The following DNAJC25 variants were observed in gnomAD, a reference collection of about 807,000 sequenced individuals.
DNAJC25 encodes dnaJ homolog subfamily C member 25.
Under a neutral mutation model 42.1 loss-of-function variants are expected in DNAJC25, and 26 were observed. That is an observed-to-expected ratio of 0.62 (90% CI 0.45 to 0.86). DNAJC25 has a LOEUF of 0.86. DNAJC25 is among the 40% of genes least tolerant of loss of function. The pLI is 0.00. For synonymous variants in DNAJC25, 189 were observed against 179.9 expected (o/e 1.05, Z -0.40); for missense variants, 404 against 459.4 (o/e 0.88, Z 1.10).
chr9:111,652,358 A>C (rs1156675630), intron 3 of DNAJC25, among the ~76,000 whole-genome samples: 1 of 150,976 alleles, frequency 6.6e-6, no homozygotes, highest in African/African-American at 2.4e-5. Flanking sequence ...AAAAAAAAAA[A>C]TACAAAAAAA....
chr9:111,631,730 A>G lies in DNAJC25; in HGVS notation c.323A>G (p.Tyr108Cys). Residue 108 changes from tyrosine to cysteine, a missense_variant, in exon 1 of 4, where the codon TAC becomes TGC. Tyr to Cys is a radical substitution (Grantham distance 194). Coordinates refer to ENST00000313525, the MANE Select transcript of DNAJC25 (RefSeq NM_001015882.3). ...GCTTTCCTGCTGGTGGCAACCGCCT[A>G]CGAGACACTCAAGGTGAGGCCTGCG... ...EEAFLLVATA[Y>C]ETLKDEETRK... 1 of 1,519,364 alleles carries G rather than the reference A, an allele frequency of 6.6e-7. No individual in the cohort carries two copies. The highest frequency in any genetic ancestry group is 8.8e-7 in the Non-Finnish European group (1 of 1,139,520). The allele number at this position is 1,519,364 out of a possible 1,614,324, so 94.1% of individuals were successfully genotyped here.
chr9:111,648,532 A>G (rs1176931619), intron 2 of DNAJC25, among the ~76,000 whole-genome samples: 1 of 152,144 alleles, frequency 6.6e-6, no homozygotes, highest in African/African-American at 2.4e-5. Context: ...AGCCTCTCAA[A>G]GTGCTGGGAT....
chr9:111,634,328 C>T (rs980319581), intron 1 of DNAJC25, among the ~76,000 whole-genome samples: 19 of 152,262 alleles, frequency 1.2e-4, no homozygotes, highest in Admixed American at 5.2e-4. Context: ...TCTGTCATAA[C>T]GGAGAATTGT....
chr9:111,649,377 G>C, intron 2 of DNAJC25, 76 bp from the exon 3 acceptor site: 1 of 1,440,386 alleles, frequency 6.9e-7, no homozygotes, highest in Non-Finnish European at 9.1e-7. Flanking sequence ...GGTATTCACC[G>C]AGACTCTATC....
intron 3 of DNAJC25, among the ~76,000 whole-genome samples, chr9:111,652,782 G>C (rs1830682925): frequency 1.3e-5 from 2 of 151,874 alleles, no homozygotes; most frequent in Admixed American, 1.3e-4. Flanking sequence ...CCTGACCTCA[G>C]GTGATCCACC....
chr9:111,648,523 G>C (rs1045984933), intron 2 of DNAJC25, among the ~76,000 whole-genome samples: 1 of 151,930 alleles, frequency 6.6e-6, no homozygotes, highest in African/African-American at 2.4e-5. Context: ...ACTCACCGCA[G>C]CCTCTCAAAG....
At chr9:111,637,364 C>T (rs185023234) in intron 1 of DNAJC25, among the ~76,000 whole-genome samples, 3 of 152,196 alleles carry the variant, frequency 2.0e-5, no homozygotes, top group Non-Finnish European at 2.9e-5. Context: ...CACAATCTTA[C>T]GTTTGTTTTA....
At chr9:111,650,973 A>T (rs1830649891) in intron 3 of DNAJC25, among the ~76,000 whole-genome samples, 1 of 152,142 alleles carries the variant, frequency 6.6e-6, no homozygotes, top group African/African-American at 2.4e-5. Context: ...TGTTCATAAA[A>T]GTGTTATTTA....
At chr9:111,632,725 T>C (rs1337890143) in intron 1 of DNAJC25, among the ~76,000 whole-genome samples, 1 of 151,918 alleles carries the variant, frequency 6.6e-6, no homozygotes, top group Non-Finnish European at 1.5e-5. Context: ...TTTTCTATGT[T>C]GCCAGGTAGC....
intron 1 of DNAJC25, among the ~76,000 whole-genome samples, chr9:111,640,089 G>T (rs1830427926): frequency 6.6e-6 from 1 of 151,770 alleles, no homozygotes; most frequent in African/African-American, 2.4e-5. Context: ...GGCACGCGCC[G>T]CCACGCCTGA....
At chr9:111,650,321 A>T (rs1005020713) in intron 3 of DNAJC25, among the ~76,000 whole-genome samples, 1 of 150,856 alleles carries the variant, frequency 6.6e-6, no homozygotes, top group Non-Finnish European at 1.5e-5. Context: ...AAAACAACAG[A>T]GTAAGACGTG....
At chr9:111,647,864 C>T (rs865853112) in intron 2 of DNAJC25, among the ~76,000 whole-genome samples, 2 of 152,102 alleles carry the variant, frequency 1.3e-5, no homozygotes, top group African/African-American at 2.4e-5. Flanking sequence ...CTGCAACCTC[C>T]GCCTCCTGGG....
In DNAJC25 at chr9:111,631,715, T is replaced by A. The variant is rs1207770092; in HGVS notation, c.308T>A (p.Leu103Gln). ...CAGAGCGCCGAGGAGGCTTTCCTGCTGGTGGCAACCGCCTACGAGACACTC... is the reference window on the plus strand; with the variant it reads ...CAGAGCGCCGAGGAGGCTTTCCTGCAGGTGGCAACCGCCTACGAGACACTC... Reference protein sequence around the residue: ...TPQSAEEAFLLVATAYETLKD... With the variant: ...TPQSAEEAFLQVATAYETLKD... Residue 103 changes from leucine (L) to glutamine (Q), a missense_variant, in exon 1 of 4, where the codon CTG becomes CAG. Transcript: ENST00000313525. 4 of 1,522,084 alleles carry A rather than the reference T, an allele frequency of 2.6e-6. No individual in the cohort carries two copies. The Admixed American group carries it at 6.0e-5, about 23-fold the overall frequency. 94.3% of individuals were successfully genotyped at this position (1,522,084 alleles called of 1,614,324 possible).
chr9:111,640,266 C>T (rs1270584061), intron 1 of DNAJC25, among the ~76,000 whole-genome samples: 9 of 147,166 alleles, frequency 6.1e-5, no homozygotes, highest in African/African-American at 2.0e-4. Context: ...GGCGTGATCT[C>T]GGCTCACTAC....
intron 1 of DNAJC25, among the ~76,000 whole-genome samples, chr9:111,632,722 T>A (rs1830304836): frequency 6.6e-6 from 1 of 151,912 alleles, no homozygotes; most frequent in Non-Finnish European, 1.5e-5. Flanking sequence ...AAATTTTCTA[T>A]GTTGCCAGGT....
rs1229279190 is a variant in DNAJC25, at chr9:111,644,843, T to A, written c.337-2264T>A. Among the ~76,000 whole-genome samples, 3 of 152,208 alleles carry A rather than the reference T, an allele frequency of 2.0e-5. No individual in the cohort carries two copies. In the East Asian group the frequency reaches 5.8e-4, roughly 29 times the overall value. The stretch of plus-strand genomic sequence containing the variant: ...AGAATGGGAAAATTCTCAGATGATT[T>A]CTTGAGGTACTCAAAAGGAGACACA... On this transcript the variant is annotated intron_variant, in intron 1 of 3. Transcript: ENST00000313525.
At chr9:111,634,504 G>A (rs1830336070) in intron 1 of DNAJC25, among the ~76,000 whole-genome samples, 1 of 152,160 alleles carries the variant, frequency 6.6e-6, no homozygotes, top group Non-Finnish European at 1.5e-5. Context: ...GGTTTGTGAA[G>A]GATAAAAGGT....
chr9:111,639,093 C>T (rs1029519411), intron 1 of DNAJC25, among the ~76,000 whole-genome samples: 2 of 152,158 alleles, frequency 1.3e-5, no homozygotes, highest in African/African-American at 4.8e-5. Context: ...TGTTGTGAAT[C>T]CCATTGCTAG....
At chr9:111,642,838 G>A (rs1464509247) in intron 1 of DNAJC25, 4 of 470,818 alleles carry the variant, frequency 8.5e-6, no homozygotes, top group Non-Finnish European at 1.8e-5. Context: ...TTTTGATCTA[G>A]ATATTGGTTA....
Sources: gnomAD v4.1 joint callset for allele counts (sites outside exome capture counted in the v4.1 genomes callset) on GRCh38, gnomAD v4.1.1 for gene constraint, MANE v1.5 for transcripts, NCBI Gene and HGNC (gene_info 2026-07-23, HGNC 2026-07-21) for gene names.